Variants in ASIC2 observed in about 807,000 individuals in gnomAD.
The protein encoded by ASIC2 is acid sensing ion channel subunit 2, also known as acid-sensing ion channel 2.
In ASIC2, 25 loss-of-function variants were observed where a neutral mutation model predicts 57.3. The ratio of observed to expected loss-of-function variants is 0.44; its 90% CI spans 0.32 to 0.61. ASIC2 has a LOEUF of 0.61. ASIC2 is among the 20% of genes least tolerant of loss of function. The probability of loss-of-function intolerance (pLI) is 0.06; values close to 1 mark genes in which losing one functional copy is unlikely to be tolerated. For missense variants in ASIC2, 641 were observed against 738.1 expected (o/e 0.87, Z 1.52); for synonymous variants, 319 against 307.5 (o/e 1.04, Z -0.39).
chr17:34,106,545 T>C (rs1039145029), intron 1 of ASIC2, among the ~76,000 whole-genome samples: 2 of 151,972 alleles, frequency 1.3e-5, no homozygotes, highest in Non-Finnish European at 2.9e-5. Context: ...ATCAATCATA[T>C]CTATCTATCC....
At chr17:33,705,057 T>C (rs1305138782) in intron 1 of ASIC2, among the ~76,000 whole-genome samples, 1 of 152,198 alleles carries the variant, frequency 6.6e-6, no homozygotes, top group Non-Finnish European at 1.5e-5. Flanking sequence ...ACTGGAGACT[T>C]GCCTGGTGTT....
At chr17:33,609,789 A>G (rs1347559716) in intron 1 of ASIC2, among the ~76,000 whole-genome samples, 1 of 152,198 alleles carries the variant, frequency 6.6e-6, no homozygotes, top group Non-Finnish European at 1.5e-5. Context: ...GAAAAAGGAA[A>G]GGGAAATGAC....
At chr17:33,404,952 T>C (rs754524872) in intron 1 of ASIC2, among the ~76,000 whole-genome samples, 10 of 152,150 alleles carry the variant, frequency 6.6e-5, no homozygotes, top group Admixed American at 6.5e-5. Context: ...AAAACTTGAA[T>C]GACTTATTTG....
At chr17:33,287,372 C>T (rs1905237440) in intron 1 of ASIC2, among the ~76,000 whole-genome samples, 1 of 152,182 alleles carries the variant, frequency 6.6e-6, no homozygotes, top group Admixed American at 6.5e-5. Context: ...CTCAGATTGG[C>T]CTCTGTTGGT....
chr17:34,066,575 A>C (rs1169813791), intron 1 of ASIC2, among the ~76,000 whole-genome samples: 1 of 152,196 alleles, frequency 6.6e-6, no homozygotes, highest in African/African-American at 2.4e-5. Flanking sequence ...TGGCCTGCAA[A>C]GACATTCTCA....
chr17:33,029,832 G>A (rs892588103), intron 3 of ASIC2, among the ~76,000 whole-genome samples: 2 of 152,196 alleles, frequency 1.3e-5, no homozygotes, highest in Non-Finnish European at 2.9e-5. Flanking sequence ...CATTTTTGTA[G>A]GTGTATGGTT....
chr17:33,891,882 A>G (rs1229549168), intron 1 of ASIC2, among the ~76,000 whole-genome samples: 1 of 152,086 alleles, frequency 6.6e-6, no homozygotes, highest in Non-Finnish European at 1.5e-5. Context: ...ACTTCTCTAC[A>G]CCCACATCCC....
chr17:33,875,328 C>T (rs535140724), intron 1 of ASIC2, among the ~76,000 whole-genome samples: 7 of 152,332 alleles, frequency 4.6e-5, no homozygotes, highest in African/African-American at 1.7e-4. Context: ...CAGAATACTG[C>T]TGGCCAATTT....
At chr17:33,115,589 C>T (rs557168115) in intron 1 of ASIC2, among the ~76,000 whole-genome samples, 1 of 152,316 alleles carries the variant, frequency 6.6e-6, no homozygotes, top group Admixed American at 6.5e-5. Flanking sequence ...GCGCGCTTTG[C>T]CTGGCCAGCT....
chr17:33,701,036 T>G (rs12946064), intron 1 of ASIC2, among the ~76,000 whole-genome samples: 3,472 of 152,288 alleles, frequency 0.023, 124 homozygotes, highest in African/African-American at 0.079. Context: ...GAGAAAGGCA[T>G]AAAGTCACTG....
intron 1 of ASIC2, among the ~76,000 whole-genome samples, chr17:33,880,449 TA>T (rs1233644436): frequency 6.6e-6 from 1 of 151,996 alleles, no homozygotes; most frequent in Non-Finnish European, 1.5e-5. Flanking sequence ...CGCAGAAATA[TA>T]AACTACCATC....
intron 1 of ASIC2, among the ~76,000 whole-genome samples, chr17:33,488,848 G>A (rs771560142): frequency 5.3e-5 from 8 of 152,052 alleles, no homozygotes; most frequent in East Asian, 3.9e-4. Flanking sequence ...CTAATGACAC[G>A]CTCCATCCCC....
chr17:34,054,964 G>A (rs1052928944), intron 1 of ASIC2, among the ~76,000 whole-genome samples: 2 of 152,184 alleles, frequency 1.3e-5, no homozygotes, highest in Non-Finnish European at 2.9e-5. Context: ...ATCATGTGAA[G>A]AATGGAAGAA....
intron 1 of ASIC2, among the ~76,000 whole-genome samples, chr17:33,146,051 C>T (rs1013662806): frequency 7.9e-5 from 12 of 152,220 alleles, no homozygotes; most frequent in Admixed American, 6.5e-4. Flanking sequence ...CTATCTTAGT[C>T]ACTTGAGCAG....
chr17:33,162,270 A>C (rs1905184427), intron 1 of ASIC2, among the ~76,000 whole-genome samples: 1 of 152,144 alleles, frequency 6.6e-6, no homozygotes, highest in South Asian at 2.1e-4. Flanking sequence ...CTGAGAAGCA[A>C]ATCCTGCGGC....
At chr17:33,647,086 G>T (rs1413015948) in intron 1 of ASIC2, among the ~76,000 whole-genome samples, 1 of 152,166 alleles carries the variant, frequency 6.6e-6, no homozygotes, top group South Asian at 2.1e-4. Flanking sequence ...CTGTACTGTT[G>T]TTTGGCCAGA....
intron 1 of ASIC2, among the ~76,000 whole-genome samples, chr17:33,348,750 TG>T (rs1279424980): frequency 2.6e-5 from 4 of 152,076 alleles, no homozygotes; most frequent in African/African-American, 9.6e-5. Context: ...TGGGAGAAGA[TG>T]GGTTCAAGCT....
At chr17:34,138,910 G>A (rs1374369890) in intron 1 of ASIC2, among the ~76,000 whole-genome samples, 1 of 152,194 alleles carries the variant, frequency 6.6e-6, no homozygotes, top group Non-Finnish European at 1.5e-5. Flanking sequence ...GTAATTAAAG[G>A]ATAGGAATAA....
chr17:33,061,174 C>G (rs908492082), intron 3 of ASIC2, among the ~76,000 whole-genome samples: 34 of 152,108 alleles, frequency 2.2e-4, no homozygotes, highest in African/African-American at 8.2e-4. Flanking sequence ...GCCTGATTGC[C>G]CTGGCCAGAA....
Sources: gnomAD v4.1 joint callset for allele counts (sites outside exome capture counted in the v4.1 genomes callset) on GRCh38, gnomAD v4.1.1 for gene constraint, MANE v1.5 for transcripts, NCBI Gene and HGNC (gene_info 2026-07-23, HGNC 2026-07-21) for gene names.